ITGB3BP: variants seen among roughly 807,000 people sequenced by gnomAD.
ITGB3BP encodes centromere protein R.
ITGB3BP carries 27 observed loss-of-function variants against 29.1 expected under a neutral mutation model. The observed-to-expected ratio is 0.93, with a 90% confidence interval of 0.68 to 1.28. The LOEUF (loss-of-function observed/expected upper bound fraction) is 1.28. ITGB3BP is among the 50% of genes most tolerant of loss of function. ITGB3BP has a pLI of 0.00. For synonymous variants in ITGB3BP, 61 were observed against 61.4 expected, an observed-to-expected ratio of 0.99 and a Z score of 0.03; for missense variants, 192 against 200.2, an observed-to-expected ratio of 0.96 and a Z score of 0.25.
chr1:63,489,308 A>G (rs1414768891), intron 3 of ITGB3BP, among the ~76,000 whole-genome samples: 1 of 151,732 alleles, frequency 6.6e-6, no homozygotes, highest in African/African-American at 2.4e-5. Flanking sequence ...TAAAATGTGA[A>G]TTAGGCTAAT....
At chr1:63,472,048 T>G (rs547685564) in intron 4 of ITGB3BP, among the ~76,000 whole-genome samples, 2 of 131,604 alleles carry the variant, frequency 1.5e-5, no homozygotes, top group East Asian at 4.9e-4. Context: ...CCTCCCAAAG[T>G]GAATAACCTT....
intron 2 of ITGB3BP, among the ~76,000 whole-genome samples, chr1:63,501,166 T>C (rs2100734668): frequency 6.6e-6 from 1 of 152,300 alleles, no homozygotes; most frequent in East Asian, 1.9e-4. Context: ...ATCCAGTCCC[T>C]ACCTTGAACC....
intron 7 of ITGB3BP, among the ~76,000 whole-genome samples, chr1:63,449,074 G>A (rs1003450016): frequency 2.6e-5 from 4 of 152,116 alleles, no homozygotes; most frequent in African/African-American, 9.7e-5. Flanking sequence ...AATATATTGT[G>A]AAGTGCTGCA....
chr1:63,450,707 T>C (rs1644849617), intron 7 of ITGB3BP, among the ~76,000 whole-genome samples: 1 of 151,932 alleles, frequency 6.6e-6, no homozygotes, highest in Admixed American at 6.6e-5. Flanking sequence ...TTCCTAATAG[T>C]CATAAAGCCA....
chr1:63,482,649 ATTTT>A (rs34619742), intron 3 of ITGB3BP, among the ~76,000 whole-genome samples: 1 of 129,830 alleles, frequency 7.7e-6, no homozygotes, highest in Admixed American at 7.9e-5. Flanking sequence ...AACAATGTTA[ATTTT>A]TTTTTTTTTT....
intron 1 of ITGB3BP, among the ~76,000 whole-genome samples, chr1:63,521,363 CT>C (rs1186028291): frequency 6.6e-6 from 1 of 151,972 alleles, no homozygotes; most frequent in East Asian, 1.9e-4. Flanking sequence ...TCTTAAATCA[CT>C]TTGCTAAAAC....
chr1:63,499,633 T>C (rs888001700), intron 2 of ITGB3BP, among the ~76,000 whole-genome samples: 4 of 152,148 alleles, frequency 2.6e-5, no homozygotes, highest in African/African-American at 9.7e-5. Context: ...AAAAGAATTA[T>C]ATGTCATAGC....
At chr1:63,525,315 A>G (rs1472435889), upstream of ITGB3BP, among the ~76,000 whole-genome samples, 1 of 152,180 alleles carries the variant, frequency 6.6e-6, no homozygotes, top group Non-Finnish European at 1.5e-5. Context: ...ATATATACAT[A>G]TGTATATATC....
intron 2 of ITGB3BP, among the ~76,000 whole-genome samples, chr1:63,497,418 T>A (rs1452338181): frequency 6.6e-6 from 1 of 152,170 alleles, no homozygotes; most frequent in Non-Finnish European, 1.5e-5. Flanking sequence ...TGTCCTGCAT[T>A]GTTGCAGTAG....
intron 7 of ITGB3BP, among the ~76,000 whole-genome samples, chr1:63,448,852 T>C (rs962718694): frequency 4.6e-5 from 7 of 152,160 alleles, no homozygotes; most frequent in Admixed American, 3.9e-4. Context: ...TCAATTTTTA[T>C]ATTGCTGACA....
At chr1:63,491,750 T>C (rs751844740) in intron 2 of ITGB3BP, among the ~76,000 whole-genome samples, 22 of 152,212 alleles carry the variant, frequency 1.4e-4, no homozygotes, top group Non-Finnish European at 2.1e-4. Flanking sequence ...GCATTGTTTA[T>C]TTTATGTATC....
intron 2 of ITGB3BP, among the ~76,000 whole-genome samples, chr1:63,491,542 G>A (rs184276908): frequency 2.6e-4 from 39 of 152,206 alleles, no homozygotes; most frequent in Admixed American, 5.9e-4. Flanking sequence ...CTTGGTAGAG[G>A]ATTTGAAATA....
intron 4 of ITGB3BP, among the ~76,000 whole-genome samples, chr1:63,461,316 G>T (rs1645015656): frequency 6.9e-6 from 1 of 145,638 alleles, no homozygotes; most frequent in Non-Finnish European, 1.5e-5. Context: ...AAATTGGATT[G>T]TCTTTTTTCT....
intron 2 of ITGB3BP, among the ~76,000 whole-genome samples, chr1:63,501,009 T>C (rs1645915723): frequency 6.6e-6 from 1 of 152,216 alleles, no homozygotes; most frequent in Non-Finnish European, 1.5e-5. Flanking sequence ...AATGCATACA[T>C]TTATGATCAC....
chr1:63,450,316 A>C (rs79540687), intron 7 of ITGB3BP, among the ~76,000 whole-genome samples: 2,742 of 152,082 alleles, frequency 0.018, 76 homozygotes, highest in African/African-American at 0.063. Context: ...TTTGGACTGA[A>C]GCTAAGTGTC....
At chr1:63,508,799 T>C (rs181775228) in intron 1 of ITGB3BP, among the ~76,000 whole-genome samples, 22 of 152,264 alleles carry the variant, frequency 1.4e-4, no homozygotes, top group Admixed American at 1.4e-3. Context: ...AATGAGTTTC[T>C]TTAAAAAATA....
At chr1:63,504,371 G>C (rs1646019633) in intron 2 of ITGB3BP, among the ~76,000 whole-genome samples, 2 of 151,916 alleles carry the variant, frequency 1.3e-5, no homozygotes, top group Non-Finnish European at 2.9e-5. Flanking sequence ...TGTATCCTGA[G>C]ACTTTGCTGA....
At chr1:63,507,146 A>G (rs556311891) in intron 2 of ITGB3BP, among the ~76,000 whole-genome samples, 9 of 152,346 alleles carry the variant, frequency 5.9e-5, no homozygotes, top group African/African-American at 2.2e-4. Flanking sequence ...TGGTCAGGAA[A>G]TAGAAATGCC....
chr1:63,465,514 T>C (rs1645084576), intron 4 of ITGB3BP, among the ~76,000 whole-genome samples: 1 of 151,922 alleles, frequency 6.6e-6, no homozygotes, highest in Non-Finnish European at 1.5e-5. Context: ...CATCTCAGCT[T>C]CCTCAGTAGT....
Sources: allele counts gnomAD v4.1 joint callset (sites outside exome capture counted in the v4.1 genomes callset), GRCh38; gene constraint gnomAD v4.1.1; transcripts MANE v1.5; gene names NCBI Gene and HGNC (gene_info 2026-07-23, HGNC 2026-07-21).